The following ZNF8 variants were observed in gnomAD, a reference collection of about 807,000 sequenced individuals.
ZNF8 encodes zinc finger protein 272.
ZNF8 carries 9 observed loss-of-function variants against 12.2 expected under a neutral mutation model. The ratio of observed to expected loss-of-function variants is 0.73; its 90% CI spans 0.44 to 1.28. The LOEUF is 1.28. ZNF8 is among the 50% of genes most tolerant of loss of function. ZNF8 has a pLI of 0.00. For missense variants in ZNF8, 664 were observed against 729.1 expected, an observed-to-expected ratio of 0.91 and a Z score of 1.03; for synonymous variants, 274 against 282.3, an observed-to-expected ratio of 0.97 and a Z score of 0.30.
chr19:58,302,561 T>C lies in ZNF8; in HGVS notation c.*7025T>C, dbSNP rs2051497241. On this transcript the variant is annotated 3_prime_UTR_variant, in exon 4 of 4. Transcript: ENST00000621650. ...GAGGATTTTCTCTATGAATTTCATGTAGCTCTTTAAATTAACTTTCAGGAG... is the reference window on the plus strand; with the variant it reads ...GAGGATTTTCTCTATGAATTTCATGCAGCTCTTTAAATTAACTTTCAGGAG... The C allele has an allele frequency of 6.6e-6, 1 of 152,246 alleles. No homozygotes were observed. The highest frequency in any genetic ancestry group is 2.4e-5 in the African/African-American group (1 of 41,464). The allele number at this position is 152,246 out of a possible 1,614,324, so 9.4% of individuals were successfully genotyped here. A position where few individuals can be genotyped will look rare whatever the true frequency, so the allele number is the denominator to read the frequency against.
intron 3 of ZNF8, among the ~76,000 whole-genome samples, chr19:58,288,705 G>A (rs1306613102): frequency 1.3e-5 from 2 of 152,176 alleles, no homozygotes; most frequent in Non-Finnish European, 1.5e-5. Context: ...AACCAGCAAT[G>A]CCTGCAGATT....
intron 1 of ZNF8, 175 bp downstream of exon 1, chr19:58,279,322 G>C: frequency 6.7e-7 from 1 of 1,488,402 alleles, no homozygotes; most frequent in Non-Finnish European, 8.9e-7. Context: ...TCAGAGAGGG[G>C]GCCGGGATTC....
At chr19:58,285,050 T>G (rs1330818389) in intron 1 of ZNF8, among the ~76,000 whole-genome samples, 1 of 152,116 alleles carries the variant, frequency 6.6e-6, no homozygotes, top group African/African-American at 2.4e-5. Flanking sequence ...GCTCTTAAAC[T>G]GGCCCACTTC....
In ZNF8 at chr19:58,288,909, C is replaced by T. The variant is rs537292995; in HGVS notation, c.289+2704C>T. On this transcript the variant is annotated intron_variant, in intron 3 of 3. Transcript: ENST00000621650. ...ATGTATGTCGGAAGCAAATTCTCAT[C>T]ACCCTGGACATATGCCTGTCACTCA... is the stretch of plus-strand genomic sequence containing the variant. 1.4e-4 allele frequency among the ~76,000 whole-genome samples: 21 copies of T among 152,270 alleles called. 2 individuals are homozygous for T. The highest frequency in any genetic ancestry group is 4.8e-4 in the African/African-American group (20 of 41,532).
chr19:58,295,740 C>A lies in ZNF8; in HGVS notation c.*204C>A. ...CCCTCTTTAGCGACATATTTTGTGA[C>A]ATTCCTTCCATTACACCACAGTGAG... On this transcript the variant is annotated 3_prime_UTR_variant, in exon 4 of 4. Transcript: ENST00000621650. The A allele has an allele frequency of 1.8e-6, 1 of 551,792 alleles. No homozygotes were observed. Among genetic ancestry groups the A allele is most frequent in the Non-Finnish European group, 3.2e-6 (1 of 315,146 alleles). The allele number at this position is 551,792 out of a possible 1,614,324, so 34.2% of individuals were successfully genotyped here. A position where few individuals can be genotyped will look rare whatever the true frequency, so the allele number is the denominator to read the frequency against.
chr19:58,301,620 A>T lies in ZNF8; in HGVS notation c.*6084A>T, dbSNP rs1486070419. 1 of 152,248 alleles carries T rather than the reference A, an allele frequency of 6.6e-6. No homozygotes were observed. The highest frequency in any genetic ancestry group is 1.9e-4 in the East Asian group (1 of 5,184). The allele number at this position is 152,248 out of a possible 1,614,324, so 9.4% of individuals were successfully genotyped here. ...GGCCTGTGATTGCCTCATTCCCTCC[A>T]CCTTGGCCCCCAAAATGGCCAGTCC... On this transcript the variant is annotated 3_prime_UTR_variant, in exon 4 of 4. Transcript: ENST00000621650.
chr19:58,296,758 T>A lies in ZNF8; in HGVS notation c.*1222T>A, dbSNP rs1257703547. 1.3e-5 allele frequency: 2 copies of A among 152,298 alleles called. No individual in the cohort carries two copies. The highest frequency in any genetic ancestry group is 1.3e-4 in the Admixed American group (2 of 15,268). The allele number at this position is 152,298 out of a possible 1,614,324, so 9.4% of individuals were successfully genotyped here. On this transcript the variant is annotated 3_prime_UTR_variant, in exon 4 of 4. Transcript: ENST00000621650. ...GGTGACATCTAGGGACATTTTTGGT[T>A]GCTGTGCCTGGAGGAAGGGTGCCGC... is the stretch of plus-strand genomic sequence containing the variant.
At position 58,297,720 on chromosome 19, in the gene ZNF8, G is replaced by A. The variant is rs1286361303; in HGVS notation, c.*2184G>A. On this transcript the variant is annotated 3_prime_UTR_variant, in exon 4 of 4. Coordinates refer to ENST00000621650, the MANE Select transcript of ZNF8 (RefSeq NM_021089.3). ...TCTGAGTAACCTTTAAGGATGTATT[G>A]TGGACATTTTCAAACATGAGTCATA... is the stretch of plus-strand genomic sequence containing the variant. 6.6e-6 allele frequency: 1 copy of A among 152,184 alleles called. No homozygotes were observed. Among genetic ancestry groups the A allele is most frequent in the East Asian group, 1.9e-4 (1 of 5,194 alleles). The allele number at this position is 152,184 out of a possible 1,614,324, so 9.4% of individuals were successfully genotyped here.
intron 1 of ZNF8, among the ~76,000 whole-genome samples, chr19:58,284,231 A>T (rs1288198619): frequency 6.6e-6 from 1 of 152,132 alleles, no homozygotes; most frequent in Non-Finnish European, 1.5e-5. Context: ...TCTCGAGAAA[A>T]AAAAAATAAT....
In ZNF8 at chr19:58,279,132, G is replaced by A. The variant is rs1006300209; in HGVS notation, c.51G>A (p.Pro17=). The change falls in exon 1 of 4, where the codon CCG becomes CCA. Residue 17 remains proline (P), a synonymous_variant. Coordinates refer to ENST00000621650, the MANE Select transcript of ZNF8 (RefSeq NM_021089.3). ...CGGGAGTGATGTCTGTGGGGCCGCC[G>A]GCGGCCCGGCTTCAGGTAACAATAA... The part of the protein sequence containing the change: ...GVAGVMSVGP[P]AARLQEPVTF... 10 of 1,563,468 alleles carry A rather than the reference G, an allele frequency of 6.4e-6. No individual in the cohort carries two copies. In the African/African-American group the frequency reaches 8.1e-5, roughly 13 times the overall value.
At position 58,298,722 on chromosome 19, in the gene ZNF8, C is replaced by T. The variant is rs538214775; in HGVS notation, c.*3186C>T. On this transcript the variant is annotated 3_prime_UTR_variant, in exon 4 of 4. Transcript: ENST00000621650. ...ATTATCACATCTAAACAGATATCAT[C>T]AAATACCTAGTGTTCAGATGTTCTG... 2.6e-5 allele frequency: 4 copies of T among 152,308 alleles called. No homozygotes were observed. The highest frequency in any genetic ancestry group is 2.6e-4 in the Admixed American group (4 of 15,294). The allele number at this position is 152,308 out of a possible 1,614,324, so 9.4% of individuals were successfully genotyped here.
In ZNF8 at chr19:58,295,469, A is replaced by G. The variant is rs769302411; in HGVS notation, c.1661A>G (p.His554Arg). 8 of 1,613,220 alleles carry G rather than the reference A, an allele frequency of 5.0e-6. No homozygotes were observed. The highest frequency in any genetic ancestry group is 8.5e-7 in the Non-Finnish European group (1 of 1,179,924). ...ATCATGCAAGAGAAAAACCCTGTGC[A>G]CGTTATTGGGGTGGAAGAGCCTTCT... ...QKIMQEKNPVHVIGVEEPSVG... is the reference protein window; with the variant it reads ...QKIMQEKNPVRVIGVEEPSVG... The change falls in exon 4 of 4, where the codon CAC (histidine) becomes CGC (arginine). Residue 554 changes from histidine (H) to arginine (R), a missense_variant. Physicochemically the swap from His to Arg is conservative, Grantham distance 29. Transcript: ENST00000621650.
rs1365945649 is a variant in ZNF8 at position 58,295,292 on chromosome 19, C to A, written c.1484C>A (p.Pro495His). ...ATAACTCACACCAGAGAGGAGCAGCCCCATGGGCGAAGCCGGCGGCGTGAA... is the reference window on the plus strand; with the variant it reads ...ATAACTCACACCAGAGAGGAGCAGCACCATGGGCGAAGCCGGCGGCGTGAA... The part of the protein sequence containing the change: ...HQITHTREEQ[P>H]HGRSRRREQS... Residue 495 changes from proline to histidine, a missense_variant, in exon 4 of 4, where the codon CCC becomes CAC. This residue lies in a region of ZNF8 where 225 missense variants were observed against 222.0 expected (regional missense o/e 1.01). Transcript: ENST00000621650. 1.2e-6 allele frequency: 2 copies of A among 1,614,068 alleles called. No individual in the cohort carries two copies. Among genetic ancestry groups the A allele is most frequent in the Non-Finnish European group, 1.7e-6 (2 of 1,180,024 alleles).
rs1287871312 is a variant in ZNF8 at position 58,302,097 on chromosome 19, T to C, written c.*6561T>C. 6.6e-6 allele frequency: 1 copy of C among 152,188 alleles called. No individual in the cohort carries two copies. Among genetic ancestry groups the C allele is most frequent in the East Asian group, 1.9e-4 (1 of 5,200 alleles). 9.4% of individuals were successfully genotyped at this position (152,188 alleles called of 1,614,324 possible). ...TGGGACCAGAAGTGTTTCAGATCTT[T>C]GCATATTTTCTGTTTCTCATTTCAG... On this transcript the variant is annotated 3_prime_UTR_variant, in exon 4 of 4. Transcript: ENST00000621650.
In ZNF8 at chr19:58,299,887, G is replaced by C. The variant is rs978689851; in HGVS notation, c.*4351G>C. ...CAGGATGCCAGAGCCAGAGCTTTGT[G>C]GTTCATCTCTAGAGGTTCAACAGGA... On this transcript the variant is annotated 3_prime_UTR_variant, in exon 4 of 4. Coordinates refer to ENST00000621650, the MANE Select transcript of ZNF8 (RefSeq NM_021089.3). 37 of 152,188 alleles carry C rather than the reference G, an allele frequency of 2.4e-4. No homozygotes were observed. The highest frequency in any genetic ancestry group is 8.2e-4 in the African/African-American group (34 of 41,420). 9.4% of individuals were successfully genotyped at this position (152,188 alleles called of 1,614,324 possible). A position where few individuals can be genotyped will look rare whatever the true frequency, so the allele number is the denominator to read the frequency against.
At chr19:58,284,946 A>G (rs1417325556) in intron 1 of ZNF8, among the ~76,000 whole-genome samples, 2 of 152,234 alleles carry the variant, frequency 1.3e-5, no homozygotes, top group Non-Finnish European at 2.9e-5. Context: ...TTTTCCCGTA[A>G]TCAGTGAGTT....
At chr19:58,283,492 G>A (rs985893330) in intron 1 of ZNF8, among the ~76,000 whole-genome samples, 5 of 151,788 alleles carry the variant, frequency 3.3e-5, no homozygotes, top group Admixed American at 6.6e-5. Flanking sequence ...TTGCCCTCTC[G>A]CCATGTGATG....
intron 3 of ZNF8, among the ~76,000 whole-genome samples, chr19:58,292,779 T>C (rs965961512): frequency 2.6e-5 from 4 of 152,226 alleles, no homozygotes; most frequent in Non-Finnish European, 1.5e-5. Context: ...CTGCATAATA[T>C]CCCGTCGTAT....
In ZNF8 at chr19:58,290,115, T is replaced by C. The variant is rs2051409005; in HGVS notation, c.289+3910T>C. Among the ~76,000 whole-genome samples, 2 of 129,340 alleles carry C rather than the reference T, an allele frequency of 1.5e-5. 1 individual carries two copies. Among genetic ancestry groups the C allele is most frequent in the African/African-American group, 5.8e-5 (2 of 34,346 alleles). 84.9% of individuals were successfully genotyped at this position (129,340 alleles called of 152,430 possible). A position where few individuals can be genotyped will look rare whatever the true frequency, so the allele number is the denominator to read the frequency against. On this transcript the variant is annotated intron_variant, in intron 3 of 3. Transcript: ENST00000621650. ...CTGGCCCATTTCAAGATTCTTTTTT[T>C]TTTTTTTTTTTTTTTTGAGACGGAG...
Sources: allele counts gnomAD v4.1 joint callset (sites outside exome capture counted in the v4.1 genomes callset), GRCh38; gene constraint gnomAD v4.1.1; regional missense constraint gnomAD v4.1.1; transcripts MANE v1.5; gene names NCBI Gene and HGNC (gene_info 2026-07-23, HGNC 2026-07-21).